HSPA12A: variants seen among roughly 807,000 people sequenced by gnomAD.
HSPA12A encodes heat shock protein family A (Hsp70) member 12A, also known as heat shock 70 kDa protein 12A.
HSPA12A carries 28 observed loss-of-function variants against 69.2 expected under a neutral mutation model. The ratio of observed to expected loss-of-function variants is 0.40; its 90% CI spans 0.30 to 0.55. HSPA12A has a LOEUF of 0.55. Ranked by LOEUF, HSPA12A falls within the 20% of genes least tolerant of loss-of-function variation. The pLI is 0.38. For missense variants in HSPA12A, 686 were observed against 900.7 expected, an observed-to-expected ratio of 0.76 and a Z score of 3.05; for synonymous variants, 345 against 370.5, an observed-to-expected ratio of 0.93 and a Z score of 0.79.
chr10:116,798,002 G>C (rs1564823098), intron 2 of HSPA12A, among the ~76,000 whole-genome samples: 1 of 152,156 alleles, frequency 6.6e-6, no homozygotes, highest in African/African-American at 2.4e-5. Context: ...ACAGCCATGG[G>C]AACTTCTGAG....
chr10:116,801,645 A>G (rs1844957612), intron 2 of HSPA12A, among the ~76,000 whole-genome samples: 1 of 152,206 alleles, frequency 6.6e-6, no homozygotes, highest in Admixed American at 6.5e-5. Context: ...GAAAGAAAAA[A>G]AGCATATTTA....
chr10:116,696,135 C>T (rs1383558342), intron 5 of HSPA12A, among the ~76,000 whole-genome samples: 1 of 152,088 alleles, frequency 6.6e-6, no homozygotes, highest in Non-Finnish European at 1.5e-5. Flanking sequence ...TCACCAGACA[C>T]CAAACCCACT....
chr10:116,786,220 G>A (rs1844574040), intron 2 of HSPA12A, among the ~76,000 whole-genome samples: 1 of 152,214 alleles, frequency 6.6e-6, no homozygotes, highest in Admixed American at 6.5e-5. Context: ...AGACACAGTG[G>A]TAAATACTTC....
intron 2 of HSPA12A, among the ~76,000 whole-genome samples, chr10:116,823,173 C>T (rs1273854739): frequency 6.6e-6 from 1 of 152,028 alleles, no homozygotes; most frequent in Non-Finnish European, 1.5e-5. Flanking sequence ...ATGAACAATC[C>T]AAAAATAAAA....
intron 2 of HSPA12A, among the ~76,000 whole-genome samples, chr10:116,768,927 G>A (rs118129660): frequency 0.017 from 2,659 of 152,156 alleles, 71 homozygotes; most frequent in East Asian, 0.095. Flanking sequence ...TGCTTCCTGG[G>A]ACTGCCCTGC....
intron 1 of HSPA12A, among the ~76,000 whole-genome samples, chr10:116,730,922 G>A (rs1851131468): frequency 6.6e-6 from 1 of 152,238 alleles, no homozygotes; most frequent in Admixed American, 6.5e-5. Context: ...GTCCAACATG[G>A]TTCCCACCCT....
chr10:116,813,413 AT>A (rs1264317713), intron 2 of HSPA12A, among the ~76,000 whole-genome samples: 1 of 151,266 alleles, frequency 6.6e-6, no homozygotes, highest in Non-Finnish European at 1.5e-5. Flanking sequence ...CGCCCGGCTA[AT>A]TTTTTTGTAT....
chr10:116,773,355 C>T lies in HSPA12A; in HGVS notation c.91+61580G>A, dbSNP rs183527390. Among the ~76,000 whole-genome samples, 161 of 152,368 alleles carry T rather than the reference C, an allele frequency of 1.1e-3. 1 individual carries two copies. Among genetic ancestry groups the T allele is most frequent in the African/African-American group, 3.8e-3 (160 of 41,594 alleles). ...CCAACAGCAAATTGCATTTCCTTCT[C>T]AGAACCCTCAGCTCTGGTCTGGTAC... On this transcript the variant is annotated intron_variant, in intron 2 of 12. Coordinates refer to the HSPA12A transcript ENST00000635765.
intron 4 of HSPA12A, among the ~76,000 whole-genome samples, chr10:116,700,064 C>G (rs10787716): frequency 6.6e-6 from 1 of 152,034 alleles, no homozygotes; most frequent in South Asian, 2.1e-4. Context: ...TTAATCCCTA[C>G]AAAATCCCCA....
chr10:116,776,918 G>A (rs1554891213), intron 2 of HSPA12A, among the ~76,000 whole-genome samples: 1 of 152,224 alleles, frequency 6.6e-6, no homozygotes, highest in East Asian at 1.9e-4. Context: ...ATCTGGACTA[G>A]GTTCGAGAAT....
rs563281574 is a variant in HSPA12A at position 116,826,373 on chromosome 10, G to A, written c.91+8562C>T. The stretch of plus-strand genomic sequence containing the variant: ...TTATCAATGTGCCTGGCAGACAAGA[G>A]GTGCTTAATAAGTATTTCTTGAATG... On this transcript the variant is annotated intron_variant, in intron 2 of 12. Transcript: ENST00000635765. Among the ~76,000 whole-genome samples the A allele has an allele frequency of 3.3e-5, 5 of 152,318 alleles. No homozygotes were observed. In the East Asian group the frequency reaches 9.6e-4, roughly 29 times the overall value.
chr10:116,829,665 A>T (rs992331653), intron 2 of HSPA12A: 1 of 152,218 alleles, frequency 6.6e-6, no homozygotes, highest in African/African-American at 2.4e-5. Flanking sequence ...TGATTTTAAA[A>T]CAGAGATTTT....
At chr10:116,830,912 T>A (rs1845602435) in intron 2 of HSPA12A, 1 of 135,514 alleles carries the variant, frequency 7.4e-6, no homozygotes, top group African/African-American at 3.9e-5. Flanking sequence ...TACATATATA[T>A]GGTCTGTAGC....
intron 2 of HSPA12A, among the ~76,000 whole-genome samples, chr10:116,799,550 G>A (rs1175000320): frequency 1.3e-5 from 2 of 152,098 alleles, no homozygotes; most frequent in Non-Finnish European, 2.9e-5. Context: ...TTATTCCTCT[G>A]TTCTTACAAG....
intron 2 of HSPA12A, chr10:116,750,142 T>C: frequency 1.7e-6 from 1 of 590,700 alleles, no homozygotes; most frequent in Non-Finnish European, 3.1e-6. Context: ...CTTATGCTCA[T>C]GAGCTACCAA....
At chr10:116,743,197 C>T (rs1851572345), upstream of HSPA12A, among the ~76,000 whole-genome samples, 1 of 152,226 alleles carries the variant, frequency 6.6e-6, no homozygotes, top group East Asian at 1.9e-4. Context: ...TGAGTCGCGC[C>T]TTCCATATAT....
intron 2 of HSPA12A, among the ~76,000 whole-genome samples, chr10:116,804,075 C>A (rs1252161824): frequency 6.6e-6 from 1 of 152,204 alleles, no homozygotes; most frequent in Non-Finnish European, 1.5e-5. Context: ...CTGTGCAGCT[C>A]CCTACGGTCG....
In HSPA12A at chr10:116,671,899, T is replaced by G. The variant is rs1403718461; in HGVS notation, c.*2882A>C. 1 of 152,542 alleles carries G rather than the reference T, an allele frequency of 6.6e-6. No individual in the cohort carries two copies. Among genetic ancestry groups the G allele is most frequent in the African/African-American group, 2.4e-5 (1 of 41,448 alleles). The allele number at this position is 152,542 out of a possible 1,614,324, so 9.4% of individuals were successfully genotyped here. ...TATCCAGTGCTCTTATTCTAGAATA[T>G]TCCAGTGGGGGTAGGGAAGGAGGGA... On this transcript the variant is annotated 3_prime_UTR_variant, in exon 12 of 12. Transcript: ENST00000369209.
chr10:116,690,164 C>T (rs369128790), intron 6 of HSPA12A, among the ~76,000 whole-genome samples: 26 of 152,206 alleles, frequency 1.7e-4, no homozygotes, highest in Middle Eastern at 3.4e-3. Flanking sequence ...CCACTTTGTC[C>T]TAAGACTCTC....
Sources: gnomAD v4.1 joint callset for allele counts (sites outside exome capture counted in the v4.1 genomes callset) on GRCh38, gnomAD v4.1.1 for gene constraint, MANE v1.5 for transcripts, NCBI Gene and HGNC (gene_info 2026-07-23, HGNC 2026-07-21) for gene names.